Variants in ETV6 observed in about 807,000 individuals in gnomAD.
ETV6 encodes the protein ETS variant transcription factor 6.
A neutral mutation model predicts 51.1 loss-of-function variants in ETV6; 16 were observed. The ratio of observed to expected loss-of-function variants is 0.31; its 90% CI spans 0.21 to 0.48. ETV6 has a LOEUF of 0.48. Ranked by LOEUF, ETV6 falls within the 20% of genes least tolerant of loss-of-function variation. The pLI, the probability that ETV6 is intolerant of heterozygous loss-of-function variation, is 0.99. For missense variants in ETV6, 458 were observed against 594.8 expected (o/e 0.77, Z 2.39); for synonymous variants, 240 against 224.1 (o/e 1.07, Z -0.64).
At chr12:11,821,552 G>A (rs1305242678) in intron 2 of ETV6, among the ~76,000 whole-genome samples, 7 of 150,900 alleles carry the variant, frequency 4.6e-5, no homozygotes, top group African/African-American at 1.7e-4. Flanking sequence ...AAATGGAGAT[G>A]TTGACCGGGC....
At chr12:11,676,733 C>T (rs574882579) in intron 1 of ETV6, among the ~76,000 whole-genome samples, 3 of 152,272 alleles carry the variant, frequency 2.0e-5, no homozygotes, top group East Asian at 1.9e-4. Flanking sequence ...AATAAGCCCA[C>T]GAGATCAGAG....
Position 11,891,140 on chromosome 12 carries a change from G to C in ETV6, c.*94G>C, listed in dbSNP as rs1051462404. On this transcript the variant is annotated 3_prime_UTR_variant, in exon 8 of 8. Transcript: ENST00000396373. ...TGTGACGGAGCAGGCGGGCTGAGGAGAGTGGAAAAGGAAGCGACCCAGAAA... is the reference window on the plus strand; with the variant it reads ...TGTGACGGAGCAGGCGGGCTGAGGACAGTGGAAAAGGAAGCGACCCAGAAA... The C allele has an allele frequency of 1.0e-5, 10 of 1,003,988 alleles. No individual in the cohort carries two copies. In the Admixed American group the frequency reaches 2.2e-4, roughly 22 times the overall value. 62.2% of individuals were successfully genotyped at this position (1,003,988 alleles called of 1,614,324 possible). A position where few individuals can be genotyped will look rare whatever the true frequency, so the allele number is the denominator to read the frequency against.
intron 1 of ETV6, among the ~76,000 whole-genome samples, chr12:11,664,191 GGAAGA>G (rs906745769): frequency 2.0e-5 from 3 of 152,186 alleles, no homozygotes; most frequent in African/African-American, 7.2e-5. Context: ...GGTTTTTAAT[GGAAGA>G]GAACTCTTTC....
chr12:11,859,702 G>T (rs994498735), intron 4 of ETV6, among the ~76,000 whole-genome samples: 1 of 152,150 alleles, frequency 6.6e-6, no homozygotes. Flanking sequence ...ATTCCACTGC[G>T]CAGAATGAGG....
chr12:11,821,394 A>G (rs1333329837), intron 2 of ETV6, among the ~76,000 whole-genome samples: 2 of 152,024 alleles, frequency 1.3e-5, no homozygotes, highest in African/African-American at 4.8e-5. Flanking sequence ...AGAAGAAACA[A>G]GGGCGACTGG....
intron 2 of ETV6, among the ~76,000 whole-genome samples, chr12:11,763,176 G>T (rs1256890828): frequency 2.6e-5 from 4 of 152,106 alleles, no homozygotes; most frequent in South Asian, 2.1e-4. Flanking sequence ...GAACTCCTCA[G>T]CTCCCACACT....
In ETV6 at chr12:11,871,684, A is replaced by T. The variant is rs187713502; in HGVS notation, c.1009+1715A>T. Among the ~76,000 whole-genome samples, 25 of 152,346 alleles carry T rather than the reference A, an allele frequency of 1.6e-4. No homozygotes were observed. In the East Asian group the frequency reaches 4.4e-3, roughly 27 times the overall value. On this transcript the variant is annotated intron_variant, in intron 5 of 7. Transcript: ENST00000396373. ...AAAAAGGAAATGATATATGTTTGGG[A>T]TTCCATTCAAAACGATCCTGCAGAG...
At chr12:11,709,076 C>T (rs1349399044) in intron 1 of ETV6, among the ~76,000 whole-genome samples, 1 of 152,094 alleles carries the variant, frequency 6.6e-6, no homozygotes. Context: ...ATTCGTTCCC[C>T]ACCCCCCATT....
At chr12:11,677,225 G>A (rs1014382410) in intron 1 of ETV6, among the ~76,000 whole-genome samples, 1 of 152,166 alleles carries the variant, frequency 6.6e-6, no homozygotes, top group Non-Finnish European at 1.5e-5. Flanking sequence ...TGAGAAAGAA[G>A]AACAAGATAG....
chr12:11,682,672 T>C (rs552130264), intron 1 of ETV6, among the ~76,000 whole-genome samples: 106 of 152,376 alleles, frequency 7.0e-4, no homozygotes, highest in Non-Finnish European at 1.2e-3. Context: ...GCCTAGGTTT[T>C]CTTCAAGGGT....
chr12:11,805,323 G>C (rs1945813170), intron 2 of ETV6, among the ~76,000 whole-genome samples: 1 of 152,142 alleles, frequency 6.6e-6, no homozygotes, highest in African/African-American at 2.4e-5. Flanking sequence ...CCAAAATTTT[G>C]TGCACCTCCC....
chr12:11,782,753 T>C (rs2136371655), intron 2 of ETV6, among the ~76,000 whole-genome samples: 1 of 152,354 alleles, frequency 6.6e-6, no homozygotes, highest in South Asian at 2.1e-4. Context: ...TTTAGAACTA[T>C]AACACCTTGG....
chr12:11,850,079 T>C (rs1259246004), intron 3 of ETV6, among the ~76,000 whole-genome samples: 2 of 152,156 alleles, frequency 1.3e-5, no homozygotes, highest in Admixed American at 6.5e-5. Flanking sequence ...CTCGGGTCCA[T>C]GTTCCCACCC....
At chr12:11,678,441 A>G (rs1864462003) in intron 1 of ETV6, among the ~76,000 whole-genome samples, 2 of 152,192 alleles carry the variant, frequency 1.3e-5, no homozygotes, top group Admixed American at 6.5e-5. Context: ...GTTTTATGCC[A>G]TATACTCTAC....
chr12:11,783,419 G>A (rs1945438958), intron 2 of ETV6, among the ~76,000 whole-genome samples: 2 of 152,154 alleles, frequency 1.3e-5, no homozygotes, highest in Non-Finnish European at 2.9e-5. Flanking sequence ...GAGGCAGGTG[G>A]AAACCTGATT....
intron 1 of ETV6, among the ~76,000 whole-genome samples, chr12:11,737,138 C>A (rs1168063213): frequency 6.6e-6 from 1 of 152,108 alleles, no homozygotes; most frequent in Non-Finnish European, 1.5e-5. Context: ...AGTGAACCAT[C>A]AATTAAGAAA....
At chr12:11,808,196 G>A (rs1183521811) in intron 2 of ETV6, among the ~76,000 whole-genome samples, 1 of 152,182 alleles carries the variant, frequency 6.6e-6, no homozygotes, top group African/African-American at 2.4e-5. Flanking sequence ...TGTGACAGAC[G>A]CAAGGGCAGT....
At position 11,891,318 on chromosome 12, in the gene ETV6, TCCTCAC is replaced by T; in HGVS notation, c.*282_*287del. On this transcript the variant is annotated 3_prime_UTR_variant, in exon 8 of 8. Coordinates refer to ENST00000396373, the MANE Select transcript of ETV6 (RefSeq NM_001987.5). ...GATTTGGAATCTCTCCATCTGTAAT[TCCTCAC>T]CCTCACCCTTCCACCGTTGTTAGTA... 2.4e-6 allele frequency: 1 copy of T among 419,162 alleles called. No individual in the cohort carries two copies. The allele number at this position is 419,162 out of a possible 1,614,324, so 26.0% of individuals were successfully genotyped here. A position where few individuals can be genotyped will look rare whatever the true frequency, so the allele number is the denominator to read the frequency against.
At chr12:11,714,924 AC>A (rs1865246954) in intron 1 of ETV6, among the ~76,000 whole-genome samples, 1 of 152,192 alleles carries the variant, frequency 6.6e-6, no homozygotes, top group African/African-American at 2.4e-5. Flanking sequence ...GAGATGACTG[AC>A]AGTCGTGGAA....
Sources: gnomAD v4.1 joint callset for allele counts (sites outside exome capture counted in the v4.1 genomes callset) on GRCh38, gnomAD v4.1.1 for gene constraint, MANE v1.5 for transcripts, NCBI Gene and HGNC (gene_info 2026-07-23, HGNC 2026-07-21) for gene names.